ASB4: variants seen among roughly 807,000 people sequenced by gnomAD.
ASB4 encodes ankyrin repeat and SOCS box containing 4, also known as ankyrin repeat and SOCS box protein 4.
In ASB4, 35 loss-of-function variants were observed where a neutral mutation model predicts 38.6. That is an observed-to-expected ratio of 0.91 (90% CI 0.69 to 1.20). The LOEUF (loss-of-function observed/expected upper bound fraction) is 1.20. Ranked by LOEUF, ASB4 falls within the 50% of genes most tolerant of loss-of-function variation. The pLI is 0.00. For synonymous variants in ASB4, 195 were observed against 201.3 expected, an observed-to-expected ratio of 0.97 and a Z score of 0.26; for missense variants, 557 against 527.2, an observed-to-expected ratio of 1.06 and a Z score of -0.55.
chr7:95,484,262 G>A (rs759415954), upstream of ASB4, among the ~76,000 whole-genome samples: 2 of 152,080 alleles, frequency 1.3e-5, no homozygotes, highest in Non-Finnish European at 2.9e-5. Flanking sequence ...AGCCTGAGAG[G>A]CAAAGGTTGC....
intron 1 of ASB4, among the ~76,000 whole-genome samples, chr7:95,490,398 C>G (rs1477308827): frequency 2.0e-5 from 3 of 152,170 alleles, no homozygotes; most frequent in Non-Finnish European, 4.4e-5. Context: ...TTTTATCCCC[C>G]CTTCCCAGGG....
In ASB4 at chr7:95,536,479, G is replaced by T; in HGVS notation, c.1021G>T (p.Val341Leu). The T allele has an allele frequency of 6.2e-7, 1 of 1,613,474 alleles. No homozygotes were observed. Among genetic ancestry groups the T allele is most frequent in the Non-Finnish European group, 8.5e-7 (1 of 1,179,490 alleles). The change falls in exon 4 of 5, where the codon GTA becomes TTA. Residue 341 changes from valine (V) to leucine (L), a missense_variant. Val to Leu is a conservative substitution (Grantham distance 32). Transcript: ENST00000325885. ...TTCTTGTCCTAAAGCAATTGAAGTT[G>T]TAGTCAATGCCTATGAACACATCAG... ...CHSCPKAIEV[V>L]VNAYEHIRWN...
upstream of ASB4, among the ~76,000 whole-genome samples, chr7:95,476,774 T>A (rs1789981652): frequency 6.6e-6 from 1 of 152,282 alleles, no homozygotes; most frequent in Non-Finnish European, 1.5e-5. Context: ...CAGAGACTCA[T>A]AAGACAACGG....
intron 3 of ASB4, among the ~76,000 whole-genome samples, chr7:95,530,660 T>C (rs1183900428): frequency 6.6e-6 from 1 of 151,966 alleles, no homozygotes; most frequent in Non-Finnish European, 1.5e-5. Flanking sequence ...CCAAGAGGTA[T>C]ATATGTGGGT....
At chr7:95,473,294 G>A in the ASB4 span, among the ~76,000 whole-genome samples, 1 of 152,134 alleles carries the variant, frequency 6.6e-6, no homozygotes, top group Non-Finnish European at 1.5e-5. Context: ...CCTTGTAAGG[G>A]CTTTACACAT....
chr7:95,528,486 G>C, intron 3 of ASB4, 183 bp downstream of exon 3: 1 of 1,435,726 alleles, frequency 7.0e-7, no homozygotes, highest in Non-Finnish European at 9.1e-7. Flanking sequence ...GTCTAGGTTT[G>C]CTTGAAATTG....
At chr7:95,495,000 A>G (rs530063060) in intron 1 of ASB4, among the ~76,000 whole-genome samples, 1 of 152,330 alleles carries the variant, frequency 6.6e-6, no homozygotes, top group African/African-American at 2.4e-5. Flanking sequence ...GCTGCTAGGA[A>G]ATTCAAAGGC....
At chr7:95,514,560 G>C (rs1790528568) in intron 2 of ASB4, among the ~76,000 whole-genome samples, 1 of 152,170 alleles carries the variant, frequency 6.6e-6, no homozygotes, top group Non-Finnish European at 1.5e-5. Context: ...TCTGGCTTCA[G>C]GGTACACAAA....
At chr7:95,514,312 T>C (rs953001964) in intron 2 of ASB4, among the ~76,000 whole-genome samples, 1 of 152,160 alleles carries the variant, frequency 6.6e-6, no homozygotes, top group African/African-American at 2.4e-5. Flanking sequence ...CATATACACC[T>C]CTAATACACC....
chr7:95,524,783 G>C (rs1204203684), intron 2 of ASB4, among the ~76,000 whole-genome samples: 1 of 152,092 alleles, frequency 6.6e-6, no homozygotes, highest in Non-Finnish European at 1.5e-5. Context: ...AAGTATAATC[G>C]GGTCCCCAGA....
intron 3 of ASB4, among the ~76,000 whole-genome samples, chr7:95,534,743 TTC>T (rs975954627): frequency 5.9e-5 from 9 of 152,238 alleles, no homozygotes; most frequent in South Asian, 2.1e-4. Context: ...TTTGTGTCTT[TTC>T]TCTTCAACTA....
chr7:95,485,085 C>T (rs958183282), upstream of ASB4, among the ~76,000 whole-genome samples: 1 of 149,662 alleles, frequency 6.7e-6, no homozygotes, highest in Non-Finnish European at 1.5e-5. Flanking sequence ...CATACACACA[C>T]ATCTATTTAT....
upstream of ASB4, among the ~76,000 whole-genome samples, chr7:95,482,679 A>G (rs541225010): frequency 6.6e-5 from 10 of 152,358 alleles, no homozygotes; most frequent in African/African-American, 2.2e-4. Context: ...GAGGGAGATC[A>G]ATAGGCTTGC....
chr7:95,527,049 C>T (rs1584091546), intron 2 of ASB4, among the ~76,000 whole-genome samples: 1 of 152,168 alleles, frequency 6.6e-6, no homozygotes, highest in Admixed American at 6.5e-5. Context: ...CTTTGTCAAC[C>T]ATAAATAAAA....
the ASB4 span, among the ~76,000 whole-genome samples, chr7:95,473,030 T>A: frequency 3.3e-5 from 5 of 152,324 alleles, no homozygotes; most frequent in South Asian, 1.0e-3. Flanking sequence ...CAAGTTTCCA[T>A]GGAGTCGGTA....
At chr7:95,484,142 A>G (rs548767589), upstream of ASB4, among the ~76,000 whole-genome samples, 16 of 151,748 alleles carry the variant, frequency 1.1e-4, no homozygotes, top group Admixed American at 4.6e-4. Context: ...AGCCGGGGGA[A>G]CATGGCAAAA....
chr7:95,506,686 CTTT>C (rs76270182), intron 2 of ASB4, among the ~76,000 whole-genome samples: 19 of 119,938 alleles, frequency 1.6e-4, no homozygotes, highest in Admixed American at 1.6e-4. Context: ...AATTTAGATT[CTTT>C]TTTTTTTTTT....
intron 2 of ASB4, among the ~76,000 whole-genome samples, chr7:95,501,915 C>T (rs898887199): frequency 1.3e-5 from 2 of 152,066 alleles, no homozygotes; most frequent in African/African-American, 2.4e-5. Flanking sequence ...CTCTTTCAAG[C>T]CATGTCATCA....
At chr7:95,515,263 C>G (rs1409248550) in intron 2 of ASB4, among the ~76,000 whole-genome samples, 2 of 115,722 alleles carry the variant, frequency 1.7e-5, no homozygotes, top group Non-Finnish European at 3.6e-5. Context: ...TTCTTTCTTT[C>G]TTTCTCTTTC....
Sources: gnomAD v4.1 joint callset for allele counts (sites outside exome capture counted in the v4.1 genomes callset) on GRCh38, gnomAD v4.1.1 for gene constraint, MANE v1.5 for transcripts, NCBI Gene and HGNC (gene_info 2026-07-23, HGNC 2026-07-21) for gene names.